Variants in CSNK1G3 observed in about 807,000 individuals in gnomAD.
CSNK1G3 encodes the protein casein kinase 1 gamma 3.
A neutral mutation model predicts 64.3 loss-of-function variants in CSNK1G3; 23 were observed. The observed-to-expected ratio is 0.36, with a 90% confidence interval of 0.26 to 0.51. The LOEUF (loss-of-function observed/expected upper bound fraction) is 0.51, where lower values mean the gene tolerates loss of function less well. Among genes scored for constraint, CSNK1G3 ranks in the 20% least tolerant of loss-of-function variants. CSNK1G3 has a pLI of 0.96. For missense variants in CSNK1G3, 357 were observed against 510.5 expected (o/e 0.70, Z 2.90); for synonymous variants, 158 against 162.2 (o/e 0.97, Z 0.20).
intron 8 of CSNK1G3, among the ~76,000 whole-genome samples, chr5:123,590,056 CT>C (rs2150968022): frequency 6.6e-6 from 1 of 152,180 alleles, no homozygotes; most frequent in African/African-American, 2.4e-5. Flanking sequence ...AATTTATAAA[CT>C]GAATATGATG....
intron 5 of CSNK1G3, 24 bp downstream of exon 5, chr5:123,573,565 G>A (rs2150697557): frequency 1.3e-6 from 2 of 1,564,648 alleles, no homozygotes; most frequent in African/African-American, 1.4e-5. Flanking sequence ...GGTATTTGAA[G>A]TTGTTTGAAC....
chr5:123,615,681 A>G (rs1192543106), exon 13 of CSNK1G3: 2 of 152,220 alleles, frequency 1.3e-5, no homozygotes, highest in Non-Finnish European at 2.9e-5. Flanking sequence ...ATAAAGACAC[A>G]CATGTAGTTT....
At chr5:123,540,109 T>C (rs1156247018) in intron 1 of CSNK1G3, among the ~76,000 whole-genome samples, 1 of 152,160 alleles carries the variant, frequency 6.6e-6, no homozygotes, top group Non-Finnish European at 1.5e-5. Context: ...TGTGTTCTAT[T>C]TTCTGTTTTG....
chr5:123,553,306 A>G (rs939940976), intron 3 of CSNK1G3, among the ~76,000 whole-genome samples, 159 bp downstream of exon 3: 1 of 152,186 alleles, frequency 6.6e-6, no homozygotes, highest in Non-Finnish European at 1.5e-5. Flanking sequence ...TCCTAACATC[A>G]TCCTGCTCTT....
chr5:123,532,357 A>C (rs968953986), intron 1 of CSNK1G3, among the ~76,000 whole-genome samples: 1 of 151,882 alleles, frequency 6.6e-6, no homozygotes, highest in African/African-American at 2.4e-5. Context: ...ATGTATTACA[A>C]ACTGCCCTAA....
At chr5:123,614,586 C>G in exon 13 of CSNK1G3, 1 of 478,748 alleles carries the variant, frequency 2.1e-6, no homozygotes, top group Non-Finnish European at 3.6e-6. Context: ...CTAATTTAAC[C>G]TTTATGGAAG....
intron 10 of CSNK1G3, among the ~76,000 whole-genome samples, chr5:123,595,578 G>A (rs1249385948): frequency 6.6e-6 from 1 of 151,854 alleles, no homozygotes; most frequent in East Asian, 1.9e-4. Flanking sequence ...TGTACTTTCT[G>A]ATTAATTGTT....
At chr5:123,568,969 A>G (rs995723202) in intron 4 of CSNK1G3, among the ~76,000 whole-genome samples, 12 of 152,342 alleles carry the variant, frequency 7.9e-5, no homozygotes, top group African/African-American at 2.6e-4. Flanking sequence ...TAACATGACG[A>G]CATTTAAGAA....
At chr5:123,553,350 T>A (rs1784046980) in intron 3 of CSNK1G3, among the ~76,000 whole-genome samples, 1 of 152,196 alleles carries the variant, frequency 6.6e-6, no homozygotes, top group Admixed American at 6.5e-5. Flanking sequence ...CATTCATGTT[T>A]GTCTGTGCCA....
intron 4 of CSNK1G3, among the ~76,000 whole-genome samples, chr5:123,564,502 A>G (rs2150529214): frequency 6.6e-6 from 1 of 152,242 alleles, no homozygotes; most frequent in Admixed American, 6.5e-5. Context: ...CATTGTAAGA[A>G]GAAAAGATTT....
chr5:123,574,078 T>C (rs1168466380), intron 5 of CSNK1G3, among the ~76,000 whole-genome samples: 6 of 152,184 alleles, frequency 3.9e-5, no homozygotes, highest in Non-Finnish European at 4.4e-5. Context: ...CTCGATCTCC[T>C]GACCTTGTGA....
At chr5:123,572,479 A>G (rs1788316295) in intron 4 of CSNK1G3, among the ~76,000 whole-genome samples, 1 of 152,120 alleles carries the variant, frequency 6.6e-6, no homozygotes, top group South Asian at 2.1e-4. Flanking sequence ...TTATCTCACA[A>G]TTTCTATGGG....
intron 2 of CSNK1G3, among the ~76,000 whole-genome samples, chr5:123,549,715 G>A (rs568287248): frequency 7.9e-4 from 120 of 152,284 alleles, no homozygotes; most frequent in African/African-American, 2.8e-3. Context: ...ACCCTGTGTG[G>A]CATGCGATGT....
chr5:123,581,863 A>T (rs538676889), intron 6 of CSNK1G3, among the ~76,000 whole-genome samples: 2 of 151,850 alleles, frequency 1.3e-5, no homozygotes, highest in African/African-American at 4.8e-5. Flanking sequence ...GTAGTAGATA[A>T]TTTTTATCTT....
chr5:123,614,522 T>C lies in CSNK1G3; in HGVS notation c.*126T>C, dbSNP rs1749121887. 11 of 713,056 alleles carry C rather than the reference T, an allele frequency of 1.5e-5. No homozygotes were observed. In the East Asian group the frequency reaches 3.4e-4, roughly 22 times the overall value. 44.2% of individuals were successfully genotyped at this position (713,056 alleles called of 1,614,324 possible). ...ACTCTTAGAAACAAAAATGTCATAC[T>C]TTCATACTTCATTTTGTGGTTGTCT... On this transcript the variant is annotated 3_prime_UTR_variant, in exon 13 of 13. Transcript: ENST00000345990.
In CSNK1G3 at chr5:123,546,529, T is replaced by C. The variant is rs528285903; in HGVS notation, c.178+688T>C. Among the ~76,000 whole-genome samples the C allele has an allele frequency of 2.1e-3, 321 of 152,240 alleles. 1 individual carries two copies. Among genetic ancestry groups the C allele is most frequent in the Middle Eastern group, 0.014 (4 of 294 alleles). ...GCTCAGGATCAAAATCTAGGTATTT[T>C]AACTTCCAGTACAGTAGTGATGTAG... On this transcript the variant is annotated intron_variant, in intron 2 of 12. Coordinates refer to ENST00000345990, the Ensembl canonical transcript of CSNK1G3.
chr5:123,576,704 T>G (rs1283570654), intron 6 of CSNK1G3, among the ~76,000 whole-genome samples: 1 of 152,154 alleles, frequency 6.6e-6, no homozygotes, highest in African/African-American at 2.4e-5. Flanking sequence ...GTAGGCATTT[T>G]GAGCACAAAT....
exon 13 of CSNK1G3, chr5:123,615,752 T>C (rs1388912565): frequency 6.6e-6 from 1 of 152,232 alleles, no homozygotes; most frequent in Non-Finnish European, 1.5e-5. Context: ...GCTAGAAAGA[T>C]AATTATTTTG....
chr5:123,542,924 T>G (rs1781917331), intron 1 of CSNK1G3, among the ~76,000 whole-genome samples: 1 of 151,024 alleles, frequency 6.6e-6, no homozygotes, highest in Non-Finnish European at 1.5e-5. Context: ...ATTATTCGTT[T>G]TTTTTTTTTC....
Sources: allele counts gnomAD v4.1 joint callset (sites outside exome capture counted in the v4.1 genomes callset), GRCh38; gene constraint gnomAD v4.1.1; transcripts MANE v1.5; gene names NCBI Gene and HGNC (gene_info 2026-07-23, HGNC 2026-07-21).